Variants in DPP10 observed in about 807,000 individuals in gnomAD.
The protein encoded by DPP10 is dipeptidyl peptidase like 10.
In DPP10, 33 loss-of-function variants were observed where a neutral mutation model predicts 120.9. The observed-to-expected ratio is 0.27, with a 90% CI of 0.21 to 0.37. The LOEUF (loss-of-function observed/expected upper bound fraction) is 0.37. DPP10 is among the 10% of genes least tolerant of loss of function. The pLI, the probability that DPP10 is intolerant of heterozygous loss-of-function variation, is 1.00. For missense variants in DPP10, 816 were observed against 942.8 expected (o/e 0.87, Z 1.76); for synonymous variants, 337 against 326.1 (o/e 1.03, Z -0.36).
intron 1 of DPP10, among the ~76,000 whole-genome samples, chr2:114,700,722 T>A (rs537944961): frequency 1.4e-4 from 21 of 152,198 alleles, no homozygotes; most frequent in African/African-American, 5.1e-4. Context: ...CTGGAGCTTT[T>A]CTTTATTGCT....
At chr2:114,976,048 T>C (rs1472221863) in intron 1 of DPP10, among the ~76,000 whole-genome samples, 1 of 152,242 alleles carries the variant, frequency 6.6e-6, no homozygotes, top group Non-Finnish European at 1.5e-5. Context: ...TTAATGAAAG[T>C]GAAATAATTT....
chr2:115,646,682 C>G (rs1392077198), intron 5 of DPP10, among the ~76,000 whole-genome samples: 2 of 152,128 alleles, frequency 1.3e-5, no homozygotes, highest in Non-Finnish European at 2.9e-5. Flanking sequence ...ATTATGTTTT[C>G]AGATTATTTA....
At chr2:115,294,671 A>G (rs1201177863) in intron 1 of DPP10, among the ~76,000 whole-genome samples, 1 of 152,126 alleles carries the variant, frequency 6.6e-6, no homozygotes, top group African/African-American at 2.4e-5. Context: ...GACTATCAAT[A>G]TGGAATCCTT....
At chr2:115,039,060 G>C (rs1704443003) in intron 1 of DPP10, among the ~76,000 whole-genome samples, 1 of 152,126 alleles carries the variant, frequency 6.6e-6, no homozygotes, top group African/African-American at 2.4e-5. Flanking sequence ...GATGCTTCCA[G>C]GGCACATGGA....
At chr2:115,362,943 T>A (rs186591982) in intron 3 of DPP10, among the ~76,000 whole-genome samples, 1 of 152,326 alleles carries the variant, frequency 6.6e-6, no homozygotes, top group East Asian at 1.9e-4. Context: ...GGACTTTCAG[T>A]TGATAACACC....
chr2:115,208,405 A>G (rs780951606), intron 1 of DPP10, among the ~76,000 whole-genome samples: 1 of 151,904 alleles, frequency 6.6e-6, no homozygotes. Flanking sequence ...TATTAACTTT[A>G]TCATTGAGCC....
chr2:115,646,369 A>G (rs1412762563), intron 5 of DPP10, among the ~76,000 whole-genome samples: 1 of 151,872 alleles, frequency 6.6e-6, no homozygotes. Flanking sequence ...ACACAGCCTG[A>G]CTCTGGGTAA....
chr2:115,534,694 C>T (rs1031922468), intron 5 of DPP10, among the ~76,000 whole-genome samples: 1 of 150,302 alleles, frequency 6.7e-6, no homozygotes, highest in Non-Finnish European at 1.5e-5. Context: ...ACACTGAGTT[C>T]CACAATGGTT....
chr2:114,476,011 G>A (rs1414577111), intron 1 of DPP10, among the ~76,000 whole-genome samples: 2 of 152,176 alleles, frequency 1.3e-5, no homozygotes, highest in African/African-American at 2.4e-5. Flanking sequence ...GAAGGGCCAG[G>A]GTTTTTCTTC....
chr2:115,263,016 T>C (rs1349724063), intron 1 of DPP10, among the ~76,000 whole-genome samples: 1 of 152,174 alleles, frequency 6.6e-6, no homozygotes, highest in Non-Finnish European at 1.5e-5. Flanking sequence ...AATGATTAAA[T>C]GAGACAATAA....
intron 3 of DPP10, among the ~76,000 whole-genome samples, chr2:115,373,805 A>G (rs911261995): frequency 6.6e-6 from 1 of 151,702 alleles, no homozygotes; most frequent in Non-Finnish European, 1.5e-5. Flanking sequence ...AACAGGAATC[A>G]TGACTGTGAG....
intron 1 of DPP10, among the ~76,000 whole-genome samples, chr2:115,152,312 A>C (rs1253516325): frequency 6.6e-6 from 1 of 152,220 alleles, no homozygotes; most frequent in African/African-American, 2.4e-5. Flanking sequence ...CTAAAAACAG[A>C]AAGTAGACTG....
At position 115,466,274 on chromosome 2, in the gene DPP10, G is replaced by A. The variant is rs568186120; in HGVS notation, c.272-33236G>A. Among the ~76,000 whole-genome samples the A allele has an allele frequency of 3.0e-4, 46 of 152,222 alleles. 1 individual carries two copies. In the South Asian group the frequency reaches 9.5e-3, roughly 32 times the overall value. ...AAACGTCTGATATGGGAATTATAGT[G>A]TGGTGTTCTTTAACTTTTAATATCA... On this transcript the variant is annotated intron_variant, in intron 3 of 25. Coordinates refer to ENST00000410059, the MANE Select transcript of DPP10 (RefSeq NM_020868.6).
chr2:114,447,644 CTT>C (rs1318781581), intron 1 of DPP10, among the ~76,000 whole-genome samples: 1 of 152,060 alleles, frequency 6.6e-6, no homozygotes, highest in Non-Finnish European at 1.5e-5. Flanking sequence ...TAAAAAGAAA[CTT>C]TATAAAATTA....
intron 1 of DPP10, among the ~76,000 whole-genome samples, chr2:114,600,678 G>C (rs1215325970): frequency 2.0e-5 from 3 of 151,836 alleles, no homozygotes; most frequent in Non-Finnish European, 4.4e-5. Flanking sequence ...TTCTAATTTA[G>C]TGTTTAATGT....
intron 1 of DPP10, among the ~76,000 whole-genome samples, chr2:114,790,872 C>G (rs1383273929): frequency 6.6e-6 from 1 of 152,174 alleles, no homozygotes; most frequent in Admixed American, 6.5e-5. Flanking sequence ...TGGGCGAATA[C>G]GTGCAGGTCA....
intron 1 of DPP10, chr2:114,833,367 G>A (rs1052729364): frequency 2.0e-5 from 3 of 151,170 alleles, no homozygotes; most frequent in Admixed American, 6.6e-5. Context: ...TTATCTAGAT[G>A]TTTCCCAGGT....
intron 1 of DPP10, among the ~76,000 whole-genome samples, chr2:114,837,210 T>A (rs1454494603): frequency 6.6e-6 from 1 of 152,204 alleles, no homozygotes; most frequent in Non-Finnish European, 1.5e-5. Context: ...TCACAATCTA[T>A]GTTCAGAGAT....
At chr2:114,613,362 G>T (rs150383547) in intron 1 of DPP10, among the ~76,000 whole-genome samples, 19 of 152,222 alleles carry the variant, frequency 1.2e-4, no homozygotes, top group African/African-American at 2.9e-4. Context: ...AAAAATTTCC[G>T]TGAACTGCCA....
Sources: allele counts gnomAD v4.1 joint callset (sites outside exome capture counted in the v4.1 genomes callset), GRCh38; gene constraint gnomAD v4.1.1; transcripts MANE v1.5; gene names NCBI Gene and HGNC (gene_info 2026-07-23, HGNC 2026-07-21).